The following SLC35B4 variants were observed in gnomAD, a reference collection of about 807,000 sequenced individuals.
The protein encoded by SLC35B4 is solute carrier family 35 member B4.
Under a neutral mutation model 39.5 loss-of-function variants are expected in SLC35B4, and 28 were observed. The observed-to-expected ratio is 0.71, with a 90% CI of 0.53 to 0.97. SLC35B4 has a LOEUF of 0.97. Among genes scored for constraint, SLC35B4 ranks in the 50% least tolerant of loss-of-function variants. The pLI is 0.00. For missense variants in SLC35B4, 334 were observed against 414.3 expected (o/e 0.81, Z 1.68); for synonymous variants, 145 against 150.4 (o/e 0.96, Z 0.26).
rs527335827 is a variant in SLC35B4, at chr7:134,299,853, A to G, written c.598-255T>C. On this transcript the variant is annotated intron_variant, in intron 7 of 9. Transcript: ENST00000378509. ...AGACAAAGCAAACAATGGAGCCAGC[A>G]TCCTTTCCTCAACAACAGGGAATGG... is the stretch of plus-strand genomic sequence containing the variant. 1.4e-3 allele frequency among the ~76,000 whole-genome samples: 215 copies of G among 152,348 alleles called. 1 individual carries two copies. Among genetic ancestry groups the G allele is most frequent in the African/African-American group, 4.9e-3 (204 of 41,580 alleles).
At position 134,314,044 on chromosome 7, in the gene SLC35B4, TAA is replaced by T. The variant is rs1291167400; in HGVS notation, c.77+2629_77+2630del. ...AAAATGCAGATTTACAAAAAAAAGA[TAA>T]GTGATGATTTATTTACAAATTATTC... On this transcript the variant is annotated intron_variant, in intron 1 of 9. Coordinates refer to ENST00000378509, the MANE Select transcript of SLC35B4 (RefSeq NM_032826.5). Among the ~76,000 whole-genome samples, 10 of 118,354 alleles carry T rather than the reference TAA, an allele frequency of 8.4e-5. No individual in the cohort carries two copies. In the East Asian group the frequency reaches 1.7e-3, roughly 20 times the overall value. 77.6% of individuals were successfully genotyped at this position (118,354 alleles called of 152,430 possible).
At chr7:134,319,507 C>T (rs1804062122), upstream of SLC35B4, among the ~76,000 whole-genome samples, 1 of 152,260 alleles carries the variant, frequency 6.6e-6, no homozygotes, top group East Asian at 1.9e-4. Flanking sequence ...TTTCAGAGTT[C>T]CATCATTTAT....
At chr7:134,314,732 T>TA (rs1803929726) in intron 1 of SLC35B4, among the ~76,000 whole-genome samples, 1 of 151,934 alleles carries the variant, frequency 6.6e-6, no homozygotes, top group Admixed American at 6.6e-5. Context: ...GACGGGGTCT[T>TA]ACCATATTGG....
chr7:134,311,116 T>G (rs1803827356), intron 1 of SLC35B4, among the ~76,000 whole-genome samples: 1 of 152,236 alleles, frequency 6.6e-6, no homozygotes, highest in South Asian at 2.1e-4. Context: ...CTGCTGCCTA[T>G]GAAGGTTTCC....
At chr7:134,316,602 C>T (rs1239647080) in intron 1 of SLC35B4, 73 bp downstream of exon 1, 1 of 1,491,422 alleles carries the variant, frequency 6.7e-7, no homozygotes, top group Non-Finnish European at 9.1e-7. Flanking sequence ...TGGGCGCGTC[C>T]CGGGGGGACC....
chr7:134,306,275 C>CAAAAAAAAAAAAA (rs1803707572), intron 3 of SLC35B4, among the ~76,000 whole-genome samples: 1 of 130,982 alleles, frequency 7.6e-6, no homozygotes, highest in Non-Finnish European at 1.7e-5. Context: ...AAAAAAAAAT[C>CAAAAAAAAAAAAA]AGAAAAGACA....
rs1803693745 is a variant in SLC35B4 at position 134,305,697 on chromosome 7, T to A, written c.295-843A>T. On this transcript the variant is annotated intron_variant, in intron 3 of 9. Transcript: ENST00000378509. ...CAGTTTTTTCTTCCCTCAGACGGAG[T>A]TTTGCTCTTGTTGCCCAGGCTGGAG... Among the ~76,000 whole-genome samples, 6 of 152,058 alleles carry A rather than the reference T, an allele frequency of 3.9e-5. No individual in the cohort carries two copies. The South Asian group carries it at 8.3e-4, about 21-fold the overall frequency.
At chr7:134,296,535 G>T in intron 8 of SLC35B4, 69 bp from the exon 9 acceptor site, 2 of 1,121,946 alleles carry the variant, frequency 1.8e-6, no homozygotes, top group South Asian at 2.7e-5. Context: ...TTTTGAACAG[G>T]GTAATACAGA....
Position 134,301,418 on chromosome 7 carries a change from G to A in SLC35B4, c.487+343C>T, listed in dbSNP as rs147659997. ...AATTTAAAGAGTCAATTGCTCTAAC[G>A]TGCCCTCTTGCAGAAGCTTCAACTT... On this transcript the variant is annotated intron_variant, in intron 6 of 9. Coordinates refer to ENST00000378509, the MANE Select transcript of SLC35B4 (RefSeq NM_032826.5). Among the ~76,000 whole-genome samples, 7 of 152,278 alleles carry A rather than the reference G, an allele frequency of 4.6e-5. No homozygotes were observed. The Middle Eastern group carries it at 0.014, about 296-fold the overall frequency.
In SLC35B4 at chr7:134,294,899, G is replaced by A. The variant is rs764636001; in HGVS notation, c.930C>T (p.Tyr310=). Residue 310 remains tyrosine, a synonymous_variant, in exon 10 of 10, where the codon TAC becomes TAT. Coordinates refer to ENST00000378509, the MANE Select transcript of SLC35B4 (RefSeq NM_032826.5). ...TCCCTAGGTTGTTCCACACCTCTGTGTACATTAAGGTCCCAATGAAGACAA... is the reference window on the plus strand; with the variant it reads ...TCCCTAGGTTGTTCCACACCTCTGTATACATTAAGGTCCCAATGAAGACAA... ...TLFVFIGTLM[Y]TEVWNNLGTT... 2.5e-6 allele frequency: 4 copies of A among 1,614,118 alleles called. No individual in the cohort carries two copies. The highest frequency in any genetic ancestry group is 4.5e-5 in the East Asian group (2 of 44,872).
intron 1 of SLC35B4, among the ~76,000 whole-genome samples, chr7:134,315,602 G>A (rs1803952993): frequency 6.8e-6 from 1 of 146,974 alleles, no homozygotes; most frequent in Non-Finnish European, 1.5e-5. Flanking sequence ...GGTACCATCC[G>A]TAAAATATCT....
intron 1 of SLC35B4, among the ~76,000 whole-genome samples, chr7:134,313,551 A>G (rs958803381): frequency 4.6e-5 from 7 of 152,356 alleles, no homozygotes; most frequent in Admixed American, 4.6e-4. Flanking sequence ...GCACTCGTCC[A>G]TTACTACCTA....
intron 1 of SLC35B4, among the ~76,000 whole-genome samples, chr7:134,310,277 T>C (rs1312876441): frequency 6.6e-6 from 1 of 152,200 alleles, no homozygotes; most frequent in Non-Finnish European, 1.5e-5. Flanking sequence ...TCTTTAGTGA[T>C]CTGTGAAACA....
intron 9 of SLC35B4, chr7:134,295,299 A>G (rs1803438312): frequency 2.0e-6 from 1 of 505,410 alleles, no homozygotes; most frequent in Non-Finnish European, 3.5e-6. Context: ...AAAACCCCCA[A>G]TTATTCTTAT....
intron 2 of SLC35B4, among the ~76,000 whole-genome samples, chr7:134,308,506 G>C (rs1474981107): frequency 6.6e-6 from 1 of 152,144 alleles, no homozygotes; most frequent in African/African-American, 2.4e-5. Flanking sequence ...GGAATATTTA[G>C]CATCGCACTG....
Position 134,293,581 on chromosome 7 carries a change from C to T in SLC35B4, c.*1252G>A, listed in dbSNP as rs943231268. On this transcript the variant is annotated 3_prime_UTR_variant, in exon 10 of 10. Transcript: ENST00000378509. The stretch of plus-strand genomic sequence containing the variant: ...CCATCTATGCATTCCCTTGATGGGT[C>T]GTGACTCTTAACAGAGTCATCGGGC... 2 of 152,250 alleles carry T rather than the reference C, an allele frequency of 1.3e-5. No individual in the cohort carries two copies. Among genetic ancestry groups the T allele is most frequent in the African/African-American group, 4.8e-5 (2 of 41,536 alleles). The allele number at this position is 152,250 out of a possible 1,614,324, so 9.4% of individuals were successfully genotyped here.
chr7:134,299,646 G>A (rs1337488089), intron 7 of SLC35B4, 48 bp from the exon 8 acceptor site: 1 of 1,454,948 alleles, frequency 6.9e-7, no homozygotes. Flanking sequence ...AAACATTATA[G>A]AATAATTAGA....
At position 134,316,838 on chromosome 7, in the gene SLC35B4, C is replaced by T. The variant is rs946487903; in HGVS notation, c.-87G>A. On this transcript the variant is annotated 5_prime_UTR_variant, in exon 1 of 10. Transcript: ENST00000378509. The stretch of plus-strand genomic sequence containing the variant: ...AGGAAGCCGGCCTCCTGCCTCTTCG[C>T]TGCGCAGCACATCGCACCGTCCTGG... 2.3e-5 allele frequency: 31 copies of T among 1,330,330 alleles called. No homozygotes were observed. The highest frequency in any genetic ancestry group is 3.2e-5 in the Non-Finnish European group (31 of 960,236). 82.4% of individuals were successfully genotyped at this position (1,330,330 alleles called of 1,614,324 possible). A position where few individuals can be genotyped will look rare whatever the true frequency, so the allele number is the denominator to read the frequency against.
At chr7:134,318,832 T>C (rs974722324), upstream of SLC35B4, among the ~76,000 whole-genome samples, 14 of 152,350 alleles carry the variant, frequency 9.2e-5, no homozygotes, top group South Asian at 1.2e-3. Flanking sequence ...TTCTGTATCT[T>C]TCTTCCTTCC....
Sources: allele counts gnomAD v4.1 joint callset (sites outside exome capture counted in the v4.1 genomes callset), GRCh38; gene constraint gnomAD v4.1.1; transcripts MANE v1.5; gene names NCBI Gene and HGNC (gene_info 2026-07-23, HGNC 2026-07-21).